TACC1: variants seen among roughly 807,000 people sequenced by gnomAD.
TACC1 encodes the protein transforming acidic coiled-coil-containing protein 1.
A neutral mutation model predicts 84.4 loss-of-function variants in TACC1; 48 were observed. The observed-to-expected ratio is 0.57, with a 90% CI of 0.45 to 0.72. TACC1 has a LOEUF of 0.72. Ranked by LOEUF, TACC1 falls within the 30% of genes least tolerant of loss-of-function variation. The pLI is 0.00. For missense variants in TACC1, 920 were observed against 973.0 expected (o/e 0.95, Z 0.72); for synonymous variants, 372 against 376.3 (o/e 0.99, Z 0.13).
chr8:38,781,528 C>T (rs887731017), intron 3 of TACC1, among the ~76,000 whole-genome samples: 3 of 151,830 alleles, frequency 2.0e-5, no homozygotes, highest in African/African-American at 4.8e-5. Context: ...ATGACAGGTG[C>T]GTGCCACATG....
intron 3 of TACC1, among the ~76,000 whole-genome samples, chr8:38,780,630 T>TG (rs1160349326): frequency 2.1e-5 from 3 of 142,130 alleles, no homozygotes; most frequent in African/African-American, 7.6e-5. Flanking sequence ...TGTTTTTTTT[T>TG]GTTTTTTTTT....
At chr8:38,778,987 T>C (rs1445816179) in intron 3 of TACC1, among the ~76,000 whole-genome samples, 2 of 143,656 alleles carry the variant, frequency 1.4e-5, no homozygotes, top group South Asian at 2.2e-4. Flanking sequence ...TTTTTTTTTT[T>C]CTTTTCTTTT....
At chr8:38,794,311 T>G (rs184366419) in intron 2 of TACC1, among the ~76,000 whole-genome samples, 2 of 152,160 alleles carry the variant, frequency 1.3e-5, no homozygotes, top group Non-Finnish European at 2.9e-5. Context: ...AAATTTTTTT[T>G]AAAAAAATAG....
chr8:38,799,689 G>A (rs1215034538), intron 2 of TACC1: 1 of 152,122 alleles, frequency 6.6e-6, no homozygotes, highest in African/African-American at 2.4e-5. Flanking sequence ...ACCATACTTG[G>A]CTACATCTGT....
At chr8:38,784,296 G>C (rs1350150641), upstream of TACC1, among the ~76,000 whole-genome samples, 1 of 152,132 alleles carries the variant, frequency 6.6e-6, no homozygotes, top group Non-Finnish European at 1.5e-5. Context: ...CTGCAGGCCG[G>C]GTGCGGTGGC....
At chr8:38,741,233 A>G (rs1255029912) in intron 1 of TACC1, among the ~76,000 whole-genome samples, 2 of 150,250 alleles carry the variant, frequency 1.3e-5, no homozygotes, top group Non-Finnish European at 3.0e-5. Flanking sequence ...TCTGCTCACT[A>G]CAACCTCCAC....
chr8:38,769,748 G>T (rs1305814770), intron 3 of TACC1, among the ~76,000 whole-genome samples: 13 of 144,772 alleles, frequency 9.0e-5, no homozygotes, highest in African/African-American at 2.6e-4. Flanking sequence ...AAGGTGTGTG[G>T]TGTGTGTATG....
chr8:38,780,775 G>GC (rs1815792177), intron 3 of TACC1, among the ~76,000 whole-genome samples: 1 of 152,076 alleles, frequency 6.6e-6, no homozygotes, highest in Non-Finnish European at 1.5e-5. Context: ...GGGTGGTATT[G>GC]CCATCTTAGC....
chr8:38,810,471 C>G (rs1227887977), intron 2 of TACC1, among the ~76,000 whole-genome samples: 1 of 152,014 alleles, frequency 6.6e-6, no homozygotes, highest in South Asian at 2.1e-4. Flanking sequence ...GGCACACTGG[C>G]TGTATGCCTG....
intron 11 of TACC1, 136 bp from the exon 12 acceptor site, chr8:38,846,563 G>A (rs1033115545): frequency 9.4e-7 from 1 of 1,062,518 alleles, no homozygotes; most frequent in Middle Eastern, 2.2e-4. Flanking sequence ...ACCGATTTTT[G>A]TTTTTTTTCT....
intron 2 of TACC1, among the ~76,000 whole-genome samples, chr8:38,798,881 A>G (rs1389536703): frequency 6.6e-6 from 1 of 152,118 alleles, no homozygotes; most frequent in Non-Finnish European, 1.5e-5. Flanking sequence ...TGGACAATAA[A>G]TTGTGTACTT....
At chr8:38,754,610 A>G (rs1809658937) in intron 3 of TACC1, among the ~76,000 whole-genome samples, 1 of 152,234 alleles carries the variant, frequency 6.6e-6, no homozygotes, top group South Asian at 2.1e-4. Context: ...GCAGCAAGCT[A>G]TGATCATGCC....
intron 2 of TACC1, chr8:38,805,351 G>A (rs1425996771): frequency 1.3e-5 from 2 of 152,130 alleles, no homozygotes; most frequent in Admixed American, 6.5e-5. Flanking sequence ...TGCTGAATAC[G>A]AAAACAAATG....
At chr8:38,768,192 T>G (rs1285601291) in intron 3 of TACC1, among the ~76,000 whole-genome samples, 1 of 152,092 alleles carries the variant, frequency 6.6e-6, no homozygotes. Flanking sequence ...GACACCCCAT[T>G]CCTTCTGCTG....
At chr8:38,758,111 A>G (rs1418987937) in intron 3 of TACC1, among the ~76,000 whole-genome samples, 2 of 152,116 alleles carry the variant, frequency 1.3e-5, no homozygotes, top group Non-Finnish European at 2.9e-5. Flanking sequence ...TAGTCTTTAA[A>G]TATTTATTTA....
At chr8:38,847,645 T>A (rs150007795) in intron 12 of TACC1, among the ~76,000 whole-genome samples, 1 of 152,220 alleles carries the variant, frequency 6.6e-6, no homozygotes, top group Admixed American at 6.5e-5. Context: ...CAGATACTTA[T>A]GTTTTTGACA....
At chr8:38,756,341 AAAG>A (rs1810041149) in intron 3 of TACC1, among the ~76,000 whole-genome samples, 1 of 152,074 alleles carries the variant, frequency 6.6e-6, no homozygotes, top group Non-Finnish European at 1.5e-5. Context: ...AGGCAGTAAC[AAAG>A]AAGATGTAAC....
chr8:38,792,083 T>C (rs990882462), intron 2 of TACC1, among the ~76,000 whole-genome samples: 3 of 152,234 alleles, frequency 2.0e-5, no homozygotes, highest in Non-Finnish European at 4.4e-5. Flanking sequence ...GGCTTACTGG[T>C]AAAATAAAAC....
At chr8:38,806,704 C>T (rs935108528) in intron 2 of TACC1, among the ~76,000 whole-genome samples, 3 of 152,146 alleles carry the variant, frequency 2.0e-5, no homozygotes, top group Admixed American at 6.5e-5. Context: ...AGACTGTGTT[C>T]ATGTATCAGT....
Sources: gnomAD v4.1 joint callset for allele counts (sites outside exome capture counted in the v4.1 genomes callset) on GRCh38, gnomAD v4.1.1 for gene constraint, MANE v1.5 for transcripts, NCBI Gene and HGNC (gene_info 2026-07-23, HGNC 2026-07-21) for gene names.